Variants in RGL1 observed in about 807,000 individuals in gnomAD.
RGL1 encodes the protein ral guanine nucleotide dissociation stimulator like 1.
A neutral mutation model predicts 95.2 loss-of-function variants in RGL1; 24 were observed. The ratio of observed to expected loss-of-function variants is 0.25; its 90% CI spans 0.18 to 0.35. RGL1 has a LOEUF of 0.35. Ranked by LOEUF, RGL1 falls within the 10% of genes least tolerant of loss-of-function variation. The probability of loss-of-function intolerance (pLI) is 1.00; values close to 1 mark genes in which losing one functional copy is unlikely to be tolerated. For synonymous variants in RGL1, 329 were observed against 344.9 expected, an observed-to-expected ratio of 0.95 and a Z score of 0.51; for missense variants, 715 against 936.3, an observed-to-expected ratio of 0.76 and a Z score of 3.08.
intron 2 of RGL1, among the ~76,000 whole-genome samples, chr1:183,808,534 A>G (rs926726032): frequency 6.6e-6 from 1 of 152,054 alleles, no homozygotes. Flanking sequence ...AAAATTCCAG[A>G]CTTAATTAAA....
intron 1 of RGL1, among the ~76,000 whole-genome samples, chr1:183,685,156 G>A (rs35969698): frequency 0.062 from 9,457 of 151,842 alleles, 484 homozygotes; most frequent in African/African-American, 0.14. Context: ...TTCTACATTG[G>A]CTTTTTTTTT....
rs373912986 is a variant in RGL1, at chr1:183,743,589, G to T, written c.132+1300G>T. On this transcript the variant is annotated intron_variant, in intron 2 of 18. Coordinates refer to the RGL1 transcript ENST00000304685. ...AGAACTTTCTGGGGCAAACTCACAT[G>T]AATTAAGTTTATGCAACTAATATAT... is the stretch of plus-strand genomic sequence containing the variant. Among the ~76,000 whole-genome samples the T allele has an allele frequency of 2.6e-5, 4 of 152,186 alleles. No individual in the cohort carries two copies. In the East Asian group the frequency reaches 5.8e-4, roughly 22 times the overall value.
intron 1 of RGL1, among the ~76,000 whole-genome samples, chr1:183,639,272 C>T (rs959857891): frequency 7.4e-6 from 1 of 135,602 alleles, no homozygotes; most frequent in African/African-American, 2.9e-5. Context: ...CAGAGCAAGA[C>T]ACTTCATCTC....
intron 2 of RGL1, among the ~76,000 whole-genome samples, chr1:183,793,173 G>A (rs1444856368): frequency 6.6e-6 from 1 of 152,054 alleles, no homozygotes; most frequent in African/African-American, 2.4e-5. Context: ...AAAGCACAAA[G>A]AACATACAAT....
chr1:183,703,957 G>T (rs991199342), intron 1 of RGL1, among the ~76,000 whole-genome samples: 1 of 152,184 alleles, frequency 6.6e-6, no homozygotes. Flanking sequence ...AGACTTTGGG[G>T]GATAGGGATT....
At position 183,847,609 on chromosome 1, in the gene RGL1, A is replaced by T; in HGVS notation, c.182A>T (p.Tyr61Phe). The T allele has an allele frequency of 6.2e-7, 1 of 1,614,120 alleles. No homozygotes were observed. The highest frequency in any genetic ancestry group is 8.5e-7 in the Non-Finnish European group (1 of 1,179,932). Reference sequence around the variant, plus strand: ...CCTCCAGGACACACAGTCAGTCAATATGAAACCTGTAAGATCAGGACCATA... The same window carrying T: ...CCTCCAGGACACACAGTCAGTCAATTTGAAACCTGTAAGATCAGGACCATA... ...QLPPGHTVSQ[Y>F]ETCKIRTIKA... The change falls in exon 3 of 18, where the codon TAT becomes TTT. Residue 61 changes from tyrosine to phenylalanine, a missense_variant. Around this residue, in one of 3 missense-constraint regions of RGL1, gnomAD observed 381 missense variants for 484.8 expected, o/e 0.79. Coordinates refer to ENST00000360851, the MANE Select transcript of RGL1 (RefSeq NM_001297671.3).
chr1:183,813,517 C>G (rs1476851127), intron 2 of RGL1, among the ~76,000 whole-genome samples: 2 of 152,178 alleles, frequency 1.3e-5, no homozygotes, highest in African/African-American at 4.8e-5. Flanking sequence ...TTCTTTCTTC[C>G]TTTCTTTTTT....
intron 1 of RGL1, among the ~76,000 whole-genome samples, chr1:183,732,133 C>A (rs1205338778): frequency 1.3e-5 from 2 of 152,158 alleles, no homozygotes; most frequent in Admixed American, 6.6e-5. Context: ...GGCCCACTAA[C>A]CCTCCAGCTA....
intron 1 of RGL1, among the ~76,000 whole-genome samples, chr1:183,697,570 T>C (rs1654327790): frequency 6.6e-6 from 1 of 152,192 alleles, no homozygotes; most frequent in East Asian, 1.9e-4. Context: ...CATTTTAAAT[T>C]CTCCTTGTAT....
At chr1:183,870,558 C>T (rs139231822) in intron 4 of RGL1, among the ~76,000 whole-genome samples, 68 of 152,184 alleles carry the variant, frequency 4.5e-4, no homozygotes, top group African/African-American at 1.6e-3. Flanking sequence ...GTGCTGCTGG[C>T]GCAAGTGGCC....
chr1:183,884,715 T>C lies in RGL1; in HGVS notation c.736-8T>C. 6.2e-7 allele frequency: 1 copy of C among 1,613,218 alleles called. No individual in the cohort carries two copies. The highest frequency in any genetic ancestry group is 8.5e-7 in the Non-Finnish European group (1 of 1,179,236). ...TTGTCCTTAAAGTCAGTTCCTCTTT[T>C]GTTCCAGCAACTCTTCAAGAAAGTA... On this transcript the variant is annotated splice_region_variant and splice_polypyrimidine_tract_variant and intron_variant, in intron 6 of 17. Coordinates refer to ENST00000360851, the MANE Select transcript of RGL1 (RefSeq NM_001297671.3).
intron 11 of RGL1, 138 bp from the exon 12 acceptor site, chr1:183,902,430 C>A: frequency 1.7e-6 from 1 of 572,212 alleles, no homozygotes; most frequent in Admixed American, 3.5e-5. Flanking sequence ...TCTTCTTCCA[C>A]AGTAGTCGTA....
intron 8 of RGL1, among the ~76,000 whole-genome samples, chr1:183,891,234 A>G (rs1228909172): frequency 6.6e-6 from 1 of 152,112 alleles, no homozygotes; most frequent in African/African-American, 2.4e-5. Flanking sequence ...TTGCATATAT[A>G]GTGATATTGC....
intron 1 of RGL1, among the ~76,000 whole-genome samples, chr1:183,682,012 T>C (rs1442451247): frequency 1.3e-5 from 2 of 152,236 alleles, no homozygotes; most frequent in African/African-American, 4.8e-5. Context: ...TCAGTGGTGA[T>C]ATCCCCTTTA....
chr1:183,772,836 C>A (rs547587488), intron 2 of RGL1, among the ~76,000 whole-genome samples: 3 of 151,294 alleles, frequency 2.0e-5, no homozygotes, highest in African/African-American at 7.3e-5. Context: ...GGTGAAACCC[C>A]GTCTCTACTA....
chr1:183,670,857 A>G (rs897546929), intron 1 of RGL1, among the ~76,000 whole-genome samples: 2 of 152,324 alleles, frequency 1.3e-5, no homozygotes, highest in Non-Finnish European at 2.9e-5. Context: ...TTGTTTATTC[A>G]TCTGTTGGTG....
chr1:183,822,125 A>G (rs1168300002), intron 2 of RGL1, among the ~76,000 whole-genome samples: 4 of 152,126 alleles, frequency 2.6e-5, no homozygotes, highest in East Asian at 1.9e-4. Context: ...AATGAAGTTT[A>G]TGGGGTTACA....
intron 2 of RGL1, among the ~76,000 whole-genome samples, chr1:183,765,092 C>G (rs1487296001): frequency 6.6e-6 from 1 of 152,134 alleles, no homozygotes; most frequent in East Asian, 1.9e-4. Flanking sequence ...CTGGGCCTGC[C>G]AGGAAGGTGA....
chr1:183,673,363 C>T (rs576928494), intron 1 of RGL1, among the ~76,000 whole-genome samples: 1 of 152,208 alleles, frequency 6.6e-6, no homozygotes, highest in African/African-American at 2.4e-5. Flanking sequence ...TCTCATCAAA[C>T]ATGTAGGCTG....
Sources: allele counts gnomAD v4.1 joint callset (sites outside exome capture counted in the v4.1 genomes callset), GRCh38; gene constraint gnomAD v4.1.1; regional missense constraint gnomAD v4.1.1; transcripts MANE v1.5; gene names NCBI Gene and HGNC (gene_info 2026-07-23, HGNC 2026-07-21).